The following ASGR1 variants were observed in gnomAD, a reference collection of about 807,000 sequenced individuals.
ASGR1 encodes the protein asialoglycoprotein receptor 1, also known as C-type lectin domain family 4 member H1.
ASGR1 carries 35 observed loss-of-function variants against 33.1 expected under a neutral mutation model. That is an observed-to-expected ratio of 1.06 (90% CI 0.81 to 1.40). The LOEUF (loss-of-function observed/expected upper bound fraction) is 1.40, where lower values mean the gene tolerates loss of function less well. Among genes scored for constraint, ASGR1 ranks in the 40% most tolerant of loss-of-function variants. ASGR1 has a pLI of 0.00. For missense variants in ASGR1, 396 were observed against 373.7 expected (o/e 1.06, Z -0.49); for synonymous variants, 142 against 152.5 (o/e 0.93, Z 0.51).
rs2069170357 is a variant in ASGR1 at position 7,174,436 on chromosome 17, A to C, written c.380T>G (p.Val127Gly). The part of the protein sequence containing the change: ...SEDHSSLLLH[V>G]KQFVSDLRSL... ...CCGCAGGTCAGACACGAACTGCTTC[A>C]CGTGGAGCAGCAGGCTGGAGTGATC... The change falls in exon 6 of 9, where the codon GTG becomes GGG. Residue 127 changes from valine (V) to glycine (G), a missense_variant. Coordinates refer to ENST00000269299, the MANE Select transcript of ASGR1 (RefSeq NM_001671.5). 6.2e-6 allele frequency: 10 copies of C among 1,613,522 alleles called. No homozygotes were observed. The highest frequency in any genetic ancestry group is 8.5e-6 in the Non-Finnish European group (10 of 1,179,808).
chr17:7,174,664 TCACA>T (rs140060517), intron 5 of ASGR1, among the ~76,000 whole-genome samples: 1,424 of 108,796 alleles, frequency 0.013, 7 homozygotes, highest in Middle Eastern at 0.065. Flanking sequence ...ACACACACAC[TCACA>T]CAGACACACA....
At chr17:7,176,184 C>T (rs1401885265) in intron 5 of ASGR1, among the ~76,000 whole-genome samples, 1 of 149,024 alleles carries the variant, frequency 6.7e-6, no homozygotes, top group South Asian at 2.2e-4. Flanking sequence ...CTCATTCTCA[C>T]ACTCACACAC....
chr17:7,174,374 C>T lies in ASGR1; in HGVS notation c.442G>A (p.Gly148Ser), dbSNP rs2069169401. The change falls in exon 6 of 9, where the codon GGC becomes AGC. Residue 148 changes from glycine to serine, a missense_variant and splice_region_variant. Gly to Ser is a moderately conservative substitution (Grantham distance 56, BLOSUM62 0). Transcript: ENST00000269299. The stretch of plus-strand genomic sequence containing the variant: ...GAGCGGGCCGGGCTGGCCTCCTTAC[C>T]ATTGCCCTGGAGCGCCGCCATCTGA... ...SCQMAALQGN[G>S]SERTCCPVNW... 1 of 1,614,032 alleles carries T rather than the reference C, an allele frequency of 6.2e-7. No homozygotes were observed. The highest frequency in any genetic ancestry group is 8.5e-7 in the Non-Finnish European group (1 of 1,179,980).
rs1398649859 is a variant in ASGR1 at position 7,177,292 on chromosome 17, G to C, written c.105C>G (p.Leu35=). ...GCAGGAGGAGGCGAGGTCCGGAGCA[G>C]AGACGCTGCAGGAGGGGCTGGGGAG... is the stretch of plus-strand genomic sequence containing the variant. ...PPPPQPLLQR[L]CSGPRLLLLS... The change falls in exon 3 of 9, where the codon CTC becomes CTG. Residue 35 remains leucine, a synonymous_variant. Coordinates refer to ENST00000269299, the MANE Select transcript of ASGR1 (RefSeq NM_001671.5). 1 of 1,613,820 alleles carries C rather than the reference G, an allele frequency of 6.2e-7. No individual in the cohort carries two copies.
chr17:7,178,729 TTTTC>T (rs1429545678), intron 1 of ASGR1, 141 bp from the exon 2 acceptor site: 77 of 182,422 alleles, frequency 4.2e-4, no homozygotes, highest in South Asian at 1.1e-3. Context: ...TTTTTCTTTT[TTTTC>T]TTTTCTTTTT....
At chr17:7,174,338 G>C (rs779871802) in intron 6 of ASGR1, 36 bp downstream of exon 6, 2 of 1,613,706 alleles carry the variant, frequency 1.2e-6, no homozygotes, top group African/African-American at 1.3e-5. Flanking sequence ...CCAGAGAAGG[G>C]GGGAGGCAGA....
intron 5 of ASGR1, 162 bp downstream of exon 5, chr17:7,176,668 C>G: frequency 9.5e-7 from 1 of 1,047,982 alleles, no homozygotes; most frequent in Non-Finnish European, 1.4e-6. Context: ...CATACACACA[C>G]CCAAAACACA....
At chr17:7,175,349 C>G (rs907959545) in intron 5 of ASGR1, among the ~76,000 whole-genome samples, 1 of 148,232 alleles carries the variant, frequency 6.7e-6, no homozygotes, top group Non-Finnish European at 1.5e-5. Context: ...TTCACCCACA[C>G]ACACACACAA....
At position 7,174,043 on chromosome 17, in the gene ASGR1, G is replaced by A. The variant is rs1348144472; in HGVS notation, c.619C>T (p.Pro207Ser). 7.4e-6 allele frequency: 12 copies of A among 1,614,090 alleles called. No individual in the cohort carries two copies. The highest frequency in any genetic ancestry group is 1.0e-5 in the Non-Finnish European group (12 of 1,180,022). The change falls in exon 8 of 9, where the codon CCT becomes TCT. Residue 207 changes from proline to serine, a missense_variant. Coordinates refer to ENST00000269299, the MANE Select transcript of ASGR1 (RefSeq NM_001671.5). ...TGGAGGCCCATCCAGGTGTTCACAGGGCCTATGTGGTGCTGGACAAATTTC... is the reference window on the plus strand; with the variant it reads ...TGGAGGCCCATCCAGGTGTTCACAGAGCCTATGTGGTGCTGGACAAATTTC... ...EQKFVQHHIGPVNTWMGLHDQ... is the reference protein window; with the variant it reads ...EQKFVQHHIGSVNTWMGLHDQ...
In ASGR1 at chr17:7,174,355, G is replaced by T. The variant is rs1489396433; in HGVS notation, c.442+19C>A. The stretch of plus-strand genomic sequence containing the variant: ...AGAGAAGGGGGGAGGCAGAGAGCGG[G>T]CCGGGCTGGCCTCCTTACCATTGCC... On this transcript the variant is annotated intron_variant, in intron 6 of 8. Transcript: ENST00000269299. The T allele has an allele frequency of 6.2e-7, 1 of 1,613,898 alleles. No homozygotes were observed. The highest frequency in any genetic ancestry group is 1.7e-5 in the Admixed American group (1 of 59,970).
chr17:7,177,905 G>C (rs530000078), intron 2 of ASGR1: 1 of 161,444 alleles, frequency 6.2e-6, no homozygotes, highest in Admixed American at 5.8e-5. Flanking sequence ...TTCCGTCAAA[G>C]CGCGCTGCAC....
In ASGR1 at chr17:7,176,743, C is replaced by A. The variant is rs528566284; in HGVS notation, c.355+87G>T. The stretch of plus-strand genomic sequence containing the variant: ...ACTCCCTCTCATTCTCACACACATC[C>A]ACACACACTCACACTTTCTCACACA... On this transcript the variant is annotated intron_variant, in intron 5 of 8. Transcript: ENST00000269299. The A allele has an allele frequency of 8.8e-5, 137 of 1,551,446 alleles. No individual in the cohort carries two copies. In the African/African-American group the frequency reaches 1.7e-3, roughly 20 times the overall value.
At chr17:7,177,409 A>T in intron 2 of ASGR1, 83 bp from the exon 3 acceptor site, 1 of 1,134,082 alleles carries the variant, frequency 8.8e-7, no homozygotes, top group African/African-American at 1.6e-5. Flanking sequence ...TAGCAAGCTA[A>T]GGCGGCCCTA....
At position 7,176,484 on chromosome 17, in the gene ASGR1, C is replaced by A. The variant is rs572595240; in HGVS notation, c.355+346G>T. On this transcript the variant is annotated intron_variant, in intron 5 of 8. Transcript: ENST00000269299. ...ATTCCCACAGACTGTCTCACACACACTCTATCTCATTCTCACACTCAGACA... is the reference window on the plus strand; with the variant it reads ...ATTCCCACAGACTGTCTCACACACAATCTATCTCATTCTCACACTCAGACA... The A allele has an allele frequency of 1.1e-5, 5 of 436,888 alleles. No homozygotes were observed. In the East Asian group the frequency reaches 2.3e-4, roughly 20 times the overall value. The allele number at this position is 436,888 out of a possible 1,614,324, so 27.1% of individuals were successfully genotyped here.
At chr17:7,176,307 ACACT>A (rs1333692910) in intron 5 of ASGR1, among the ~76,000 whole-genome samples, 1 of 140,002 alleles carries the variant, frequency 7.1e-6, no homozygotes, top group Admixed American at 7.1e-5. Flanking sequence ...TCACAGACTC[ACACT>A]CAGACACAAA....
intron 5 of ASGR1, 161 bp downstream of exon 5, chr17:7,176,669 C>T (rs116739751): frequency 3.5e-5 from 38 of 1,074,290 alleles, no homozygotes; most frequent in Non-Finnish European, 4.7e-5. Flanking sequence ...ATACACACAC[C>T]CAAAACACAC....
At position 7,174,441 on chromosome 17, in the gene ASGR1, GAGC is replaced by G; in HGVS notation, c.372_374del (p.Leu125del). 4.3e-6 allele frequency: 7 copies of G among 1,613,416 alleles called. No individual in the cohort carries two copies. Among genetic ancestry groups the G allele is most frequent in the Non-Finnish European group, 5.9e-6 (7 of 1,179,736 alleles). On this transcript the variant is annotated inframe_deletion, in exon 6 of 9. Transcript: ENST00000269299. The stretch of plus-strand genomic sequence containing the variant: ...GGTCAGACACGAACTGCTTCACGTG[GAGC>G]AGCAGGCTGGAGTGATCTGGGGAGA...
In ASGR1 at chr17:7,174,277, G is replaced by A. The variant is rs1278421532; in HGVS notation, c.455C>T (p.Thr152Ile). The change falls in exon 7 of 9, where the codon ACC (threonine) becomes ATC (isoleucine). Residue 152 changes from threonine to isoleucine, a missense_variant. Coordinates refer to ENST00000269299, the MANE Select transcript of ASGR1 (RefSeq NM_001671.5). ...CTCCACCCAGTTGACCGGGCAGCAG[G>A]TCCTTTCTGAGCCTGAGCGGGAGAA... ...AALQGNGSER[T>I]CCPVNWVEHE... is the part of the protein sequence containing the mutation. 4 of 1,614,030 alleles carry A rather than the reference G, an allele frequency of 2.5e-6. No homozygotes were observed. Among genetic ancestry groups the A allele is most frequent in the Non-Finnish European group, 2.5e-6 (3 of 1,179,944 alleles).
Position 7,173,548 on chromosome 17 carries a change from C to G in ASGR1, c.*111G>C. ...CTTCGGAACATCACCCTATCCTTCC[C>G]CTTCCCTTAAAATCCTAGATGAAAA... On this transcript the variant is annotated 3_prime_UTR_variant, in exon 9 of 9. Transcript: ENST00000269299. This position sits in a 1 kb window ranked among gnomAD's most constrained non-coding sequence, Gnocchi z 4.7. The G allele has an allele frequency of 7.0e-7, 1 of 1,433,878 alleles. No homozygotes were observed. Among genetic ancestry groups the G allele is most frequent in the South Asian group, 1.3e-5 (1 of 78,924 alleles). The allele number at this position is 1,433,878 out of a possible 1,614,324, so 88.8% of individuals were successfully genotyped here.
Sources: gnomAD v4.1 joint callset for allele counts (sites outside exome capture counted in the v4.1 genomes callset) on GRCh38, gnomAD v4.1.1 for gene constraint, Gnocchi (gnomAD v3.1) non-coding constraint, MANE v1.5 for transcripts, NCBI Gene and HGNC (gene_info 2026-07-23, HGNC 2026-07-21) for gene names.